The following ASGR1 variants were observed in gnomAD, a reference collection of about 807,000 sequenced individuals.
ASGR1 encodes the protein C-type lectin domain family 4 member H1.
ASGR1 carries 35 observed loss-of-function variants against 33.1 expected under a neutral mutation model. The observed-to-expected ratio is 1.06, with a 90% CI of 0.81 to 1.40. ASGR1 has a LOEUF of 1.40. Ranked by LOEUF, ASGR1 falls within the 40% of genes most tolerant of loss-of-function variation. The probability of loss-of-function intolerance (pLI) is 0.00; values close to 1 mark genes in which losing one functional copy is unlikely to be tolerated. For synonymous variants in ASGR1, 142 were observed against 152.5 expected (o/e 0.93, Z 0.51); for missense variants, 396 against 373.7 (o/e 1.06, Z -0.49).
chr17:7,175,125 C>A (rs1315875805), intron 5 of ASGR1, among the ~76,000 whole-genome samples: 2 of 150,190 alleles, frequency 1.3e-5, no homozygotes, highest in Non-Finnish European at 3.0e-5. Flanking sequence ...ACAACACACC[C>A]TAACCCACAT....
In ASGR1 at chr17:7,174,290, C is replaced by G; in HGVS notation, c.443-1G>C. 6.2e-7 allele frequency: 1 copy of G among 1,613,674 alleles called. No homozygotes were observed. On this transcript the variant is annotated splice_acceptor_variant, in intron 6 of 8. Coordinates refer to ENST00000269299, the MANE Select transcript of ASGR1 (RefSeq NM_001671.5). LOFTEE classifies it high-confidence loss of function. ...ACCGGGCAGCAGGTCCTTTCTGAGCCTGAGCGGGAGAAACGGGGCGCAGGG... is the reference window on the plus strand; with the variant it reads ...ACCGGGCAGCAGGTCCTTTCTGAGCGTGAGCGGGAGAAACGGGGCGCAGGG...
chr17:7,175,138 A>C (rs111067479), intron 5 of ASGR1, among the ~76,000 whole-genome samples: 5,256 of 150,104 alleles, frequency 0.035, 160 homozygotes, highest in Middle Eastern at 0.1. Flanking sequence ...ACCCACATAC[A>C]CACAACACAC....
Position 7,177,258 on chromosome 17 carries a change from C to T in ASGR1, c.139G>A (p.Gly47Ser). Residue 47 changes from glycine to serine, a missense_variant, in exon 3 of 9, where the codon GGC becomes AGC. Coordinates refer to ENST00000269299, the MANE Select transcript of ASGR1 (RefSeq NM_001671.5). Reference protein sequence around the residue: ...SGPRLLLLSLGLSLLLLVVVC... With the variant: ...SGPRLLLLSLSLSLLLLVVVC... ...ACCACAAGCAGCAGGAGGCTGAGGC[C>T]CAGGGAGAGCAGGAGGAGGCGAGGT... 2 of 1,613,496 alleles carry T rather than the reference C, an allele frequency of 1.2e-6. No individual in the cohort carries two copies. Among genetic ancestry groups the T allele is most frequent in the Non-Finnish European group, 1.7e-6 (2 of 1,179,884 alleles).
intron 5 of ASGR1, among the ~76,000 whole-genome samples, chr17:7,175,251 A>T (rs2069182863): frequency 6.7e-6 from 1 of 149,924 alleles, no homozygotes; most frequent in Non-Finnish European, 1.5e-5. Flanking sequence ...CCCACAACAT[A>T]CACCCTCACA....
At chr17:7,175,979 CACAT>C (rs762414563) in intron 5 of ASGR1, among the ~76,000 whole-genome samples, 146 of 150,692 alleles carry the variant, frequency 9.7e-4, no homozygotes, top group Non-Finnish European at 1.4e-3. Context: ...CGTTCTCACA[CACAT>C]ACACTGACAC....
At chr17:7,175,989 GAC>G (rs752720282) in intron 5 of ASGR1, among the ~76,000 whole-genome samples, 93 of 133,034 alleles carry the variant, frequency 7.0e-4, no homozygotes, top group East Asian at 4.5e-3. Context: ...CACATACACT[GAC>G]ACATTCTCAC....
At chr17:7,175,974 TCACA>T (rs1255498701) in intron 5 of ASGR1, among the ~76,000 whole-genome samples, 2 of 145,256 alleles carry the variant, frequency 1.4e-5, no homozygotes, top group African/African-American at 5.2e-5. Flanking sequence ...ACACACGTTC[TCACA>T]CACATACACT....
Position 7,174,171 on chromosome 17 carries a change from C to T in ASGR1, c.561G>A (p.Ala187=). 1 of 1,614,078 alleles carries T rather than the reference C, an allele frequency of 6.2e-7. No individual in the cohort carries two copies. The highest frequency in any genetic ancestry group is 1.1e-5 in the South Asian group (1 of 91,078). Residue 187 remains alanine, a synonymous_variant, in exon 7 of 9, where the codon GCG becomes GCA. Transcript: ENST00000269299. ...CCCAGGACGTGACCACCACCAGGTG[C>T]GCGTCCTCCAGCCGGCAGTAGTTGT... ...DADNYCRLED[A]HLVVVTSWEE... is the part of the protein sequence containing the mutation.
intron 2 of ASGR1, 134 bp from the exon 3 acceptor site, chr17:7,177,460 G>T (rs1057194568): frequency 8.9e-6 from 6 of 677,876 alleles, no homozygotes; most frequent in Non-Finnish European, 1.5e-5. Flanking sequence ...AATGCGGGCG[G>T]TGGGCGACCC....
rs2069166516 is a variant in ASGR1, at chr17:7,174,176, C to T, written c.556G>A (p.Asp186Asn). 2 of 1,614,168 alleles carry T rather than the reference C, an allele frequency of 1.2e-6. No individual in the cohort carries two copies. The highest frequency in any genetic ancestry group is 1.7e-6 in the Non-Finnish European group (2 of 1,180,000). Residue 186 changes from aspartate to asparagine, a missense_variant, in exon 7 of 9, where the codon GAC becomes AAC. By Grantham distance (23) the Asp-to-Asn change is conservative. Transcript: ENST00000269299. ...GACGTGACCACCACCAGGTGCGCGT[C>T]CTCCAGCCGGCAGTAGTTGTCGGCG... The part of the protein sequence containing the change: ...ADADNYCRLE[D>N]AHLVVVTSWE...
rs757465551 is a variant in ASGR1, at chr17:7,174,002, G to A, written c.660C>T (p.Pro220=). 1.2e-6 allele frequency: 2 copies of A among 1,614,218 alleles called. No homozygotes were observed. The highest frequency in any genetic ancestry group is 1.7e-6 in the Non-Finnish European group (2 of 1,180,010). The change falls in exon 8 of 9, where the codon CCC becomes CCT. Residue 220 remains proline (P), a synonymous_variant. Coordinates refer to ENST00000269299, the MANE Select transcript of ASGR1 (RefSeq NM_001671.5). ...TWMGLHDQNG[P]WKWVDGTDYE... ...AGTCCGTCCCGTCCACCCACTTCCAGGGCCCGTTTTGGTCGTGGAGGCCCA... is the reference window on the plus strand; with the variant it reads ...AGTCCGTCCCGTCCACCCACTTCCAAGGCCCGTTTTGGTCGTGGAGGCCCA...
At chr17:7,174,512 G>C (rs771006974) in intron 5 of ASGR1, 52 bp from the exon 6 acceptor site, 271 of 1,552,922 alleles carry the variant, frequency 1.7e-4, no homozygotes, top group Non-Finnish European at 2.3e-4. Flanking sequence ...ACCACGGGGA[G>C]GGAAACGGGA....
At chr17:7,175,932 C>G (rs566091624) in intron 5 of ASGR1, among the ~76,000 whole-genome samples, 1 of 147,654 alleles carries the variant, frequency 6.8e-6, no homozygotes, top group African/African-American at 2.5e-5. Context: ...CCCTCTCATT[C>G]CCCCACACAC....
At position 7,176,918 on chromosome 17, in the gene ASGR1, C is replaced by T. The variant is rs1165390644; in HGVS notation, c.284-17G>A. 4 of 1,611,616 alleles carry T rather than the reference C, an allele frequency of 2.5e-6. No homozygotes were observed. Among genetic ancestry groups the T allele is most frequent in the Non-Finnish European group, 3.4e-6 (4 of 1,179,944 alleles). On this transcript the variant is annotated splice_polypyrimidine_tract_variant and intron_variant, in intron 4 of 8. Coordinates refer to ENST00000269299, the MANE Select transcript of ASGR1 (RefSeq NM_001671.5). ...CATTGCCTCCTGCGGGAGAGGCTCG[C>T]TCAGCGTTCCCGACAGCCCCCCAGC...
At chr17:7,176,086 ACACT>A (rs1352047291) in intron 5 of ASGR1, among the ~76,000 whole-genome samples, 119 of 149,394 alleles carry the variant, frequency 8.0e-4, no homozygotes, top group Middle Eastern at 3.5e-3. Flanking sequence ...TCTCATTCTC[ACACT>A]CACACACACT....
intron 5 of ASGR1, 79 bp downstream of exon 5, chr17:7,176,751 C>G (rs2069219941): frequency 6.4e-7 from 1 of 1,559,726 alleles, no homozygotes. Flanking sequence ...TCCACACACA[C>G]TCACACTTTC....
At chr17:7,175,469 A>G (rs1202607241) in intron 5 of ASGR1, among the ~76,000 whole-genome samples, 1 of 147,838 alleles carries the variant, frequency 6.8e-6, no homozygotes, top group African/African-American at 2.6e-5. Flanking sequence ...CATACAACAC[A>G]CCCTCACCCA....
At chr17:7,176,547 T>A (rs2142766742) in intron 5 of ASGR1, 3 of 474,270 alleles carry the variant, frequency 6.3e-6, no homozygotes, top group Non-Finnish European at 7.3e-6. Flanking sequence ...ACCATCTCAT[T>A]CTCACACACA....
intron 5 of ASGR1, among the ~76,000 whole-genome samples, chr17:7,176,449 ACTCC>A (rs1184009355): frequency 7.0e-6 from 1 of 142,662 alleles, no homozygotes; most frequent in Non-Finnish European, 1.5e-5. Flanking sequence ...TCTCACACAC[ACTCC>A]CTCTCATTCC....
Sources: gnomAD v4.1 joint callset for allele counts (sites outside exome capture counted in the v4.1 genomes callset) on GRCh38, gnomAD v4.1.1 for gene constraint, MANE v1.5 for transcripts, NCBI Gene and HGNC (gene_info 2026-07-23, HGNC 2026-07-21) for gene names.